The following VWA5B1 variants were observed in gnomAD, a reference collection of about 807,000 sequenced individuals.
The protein encoded by VWA5B1 is von Willebrand factor A domain containing 5B1.
Under a neutral mutation model 118.2 loss-of-function variants are expected in VWA5B1, and 115 were observed. The ratio of observed to expected loss-of-function variants is 0.97; its 90% CI spans 0.84 to 1.14. The LOEUF is 1.14. Ranked by LOEUF, VWA5B1 falls within the 50% of genes most tolerant of loss-of-function variation. VWA5B1 has a pLI of 0.00. For synonymous variants in VWA5B1, 682 were observed against 658.4 expected (o/e 1.04, Z -0.55); for missense variants, 1,596 against 1,603.8 (o/e 1.00, Z 0.08).
intron 13 of VWA5B1, 147 bp from the exon 14 acceptor site, chr1:20,337,499 C>A: frequency 1.1e-6 from 1 of 874,982 alleles, no homozygotes; most frequent in Non-Finnish European, 1.7e-6. Flanking sequence ...TCCGGAGAGG[C>A]TTTGGATGCC....
intron 1 of VWA5B1, among the ~76,000 whole-genome samples, chr1:20,292,398 G>A (rs1487911670): frequency 6.6e-6 from 1 of 152,166 alleles, no homozygotes; most frequent in Non-Finnish European, 1.5e-5. Flanking sequence ...GTTGGCCGGT[G>A]GGGCTGAGCA....
At chr1:20,322,866 A>T (rs1321945962) in intron 7 of VWA5B1, among the ~76,000 whole-genome samples, 1 of 152,172 alleles carries the variant, frequency 6.6e-6, no homozygotes, top group Non-Finnish European at 1.5e-5. Flanking sequence ...GTAGAATTTG[A>T]AGAGTGAGTA....
At chr1:20,294,838 C>G (rs1274916848) in intron 1 of VWA5B1, among the ~76,000 whole-genome samples, 1 of 152,220 alleles carries the variant, frequency 6.6e-6, no homozygotes, top group East Asian at 1.9e-4. Flanking sequence ...ATCTGCCCGC[C>G]TCAGCCTCCC....
At chr1:20,353,710 TG>T in intron 21 of VWA5B1, 46 bp from the exon 22 acceptor site, 1 of 1,443,106 alleles carries the variant, frequency 6.9e-7, no homozygotes. Context: ...TATGGCTCCC[TG>T]GGCTAAAACA....
chr1:20,295,411 A>G (rs1471603361), intron 1 of VWA5B1, among the ~76,000 whole-genome samples: 1 of 152,190 alleles, frequency 6.6e-6, no homozygotes, highest in East Asian at 1.9e-4. Flanking sequence ...TCAGATCAAG[A>G]TCTCAGGAAG....
At chr1:20,341,868 A>C (rs2089883124) in intron 14 of VWA5B1, among the ~76,000 whole-genome samples, 1 of 152,228 alleles carries the variant, frequency 6.6e-6, no homozygotes, top group African/African-American at 2.4e-5. Context: ...CCTGGATTCA[A>C]ATGGAAAAAC....
In VWA5B1 at chr1:20,319,588, G is replaced by A. The variant is rs968100937; in HGVS notation, c.966+82G>A. 4.6e-6 allele frequency: 7 copies of A among 1,522,988 alleles called. No individual in the cohort carries two copies. In the African/African-American group the frequency reaches 9.6e-5, roughly 21 times the overall value. 94.3% of individuals were successfully genotyped at this position (1,522,988 alleles called of 1,614,324 possible). ...CTGGTCTCCACTGAACAAGTGAGGT[G>A]GGGAGGTAACCTGCCCGAGGTCATC... On this transcript the variant is annotated intron_variant, in intron 7 of 21. Transcript: ENST00000289815.
At chr1:20,330,747 T>C in intron 10 of VWA5B1, 122 bp from the exon 11 acceptor site, 1 of 996,508 alleles carries the variant, frequency 1.0e-6, no homozygotes. Context: ...TCCCTCTCCC[T>C]CTACCTGAAT....
chr1:20,348,370 GCCCTAAGTAAGAGCCA>G lies in VWA5B1; in HGVS notation c.2878+17_2878+32del. ...GGCACCAGGAAATGGTAAATTTCAGGCCCTAAGTAAGAGCCACCCTGGGCACTTTCGGAAGCCTGGG... is the reference window on the plus strand; with the variant it reads ...GGCACCAGGAAATGGTAAATTTCAGGCCCTGGGCACTTTCGGAAGCCTGGG... On this transcript the variant is annotated intron_variant, in intron 18 of 21. Transcript: ENST00000289815. 1 of 1,551,528 alleles carries G rather than the reference GCCCTAAGTAAGAGCCA, an allele frequency of 6.4e-7. No individual in the cohort carries two copies. The highest frequency in any genetic ancestry group is 8.7e-7 in the Non-Finnish European group (1 of 1,147,016).
In VWA5B1 at chr1:20,317,115, C is replaced by G. The variant is rs1353193466; in HGVS notation, c.564-415C>G. ...AGCTTGCAGTGAGCCAAGATAGCACCACTGCACTCCAGCCTGGGTGACTGA... is the reference window on the plus strand; with the variant it reads ...AGCTTGCAGTGAGCCAAGATAGCACGACTGCACTCCAGCCTGGGTGACTGA... On this transcript the variant is annotated intron_variant, in intron 4 of 21. Transcript: ENST00000289815. Among the ~76,000 whole-genome samples, 8 of 144,700 alleles carry G rather than the reference C, an allele frequency of 5.5e-5. No homozygotes were observed. In the Admixed American group the frequency reaches 5.7e-4, roughly 10 times the overall value. 94.9% of individuals were successfully genotyped at this position (144,700 alleles called of 152,430 possible). A position where few individuals can be genotyped will look rare whatever the true frequency, so the allele number is the denominator to read the frequency against.
intron 1 of VWA5B1, among the ~76,000 whole-genome samples, chr1:20,305,077 C>G (rs770896251): frequency 6.6e-6 from 1 of 152,090 alleles, no homozygotes; most frequent in East Asian, 1.9e-4. Context: ...AGGGATTACA[C>G]CTTGGAGCGT....
intron 1 of VWA5B1, among the ~76,000 whole-genome samples, chr1:20,291,359 T>TTCTTTCTCTTTCTCTCTC (rs1381113890): frequency 9.7e-6 from 1 of 103,342 alleles, no homozygotes; most frequent in African/African-American, 3.6e-5. Flanking sequence ...CTTTCTTTCT[T>TTCTTTCTCTTTCTCTCTC]TCTCTCTCTC....
intron 5 of VWA5B1, chr1:20,318,360 T>A (rs1048456068): frequency 1.5e-5 from 9 of 612,276 alleles, no homozygotes; most frequent in African/African-American, 1.1e-4. Context: ...CGACCCCCAC[T>A]AGATCCTGAG....
chr1:20,318,303 G>T, intron 5 of VWA5B1: 1 of 451,298 alleles, frequency 2.2e-6, no homozygotes, highest in East Asian at 4.5e-5. Context: ...CCATCTGCTT[G>T]GCAGGATGCT....
chr1:20,335,460 C>A (rs1478087104), intron 12 of VWA5B1, among the ~76,000 whole-genome samples: 1 of 152,166 alleles, frequency 6.6e-6, no homozygotes, highest in African/African-American at 2.4e-5. Context: ...GTTATTTATA[C>A]ATAGAGGTGA....
chr1:20,328,094 G>A (rs978022558), intron 9 of VWA5B1, 94 bp downstream of exon 9: 5 of 1,239,276 alleles, frequency 4.0e-6, no homozygotes, highest in Non-Finnish European at 5.7e-6. Flanking sequence ...AAACCCTAGT[G>A]CTGGCCTCAG....
Position 20,308,791 on chromosome 1 carries a change from G to A in VWA5B1, c.-26-1785G>A, listed in dbSNP as rs1022278436. Among the ~76,000 whole-genome samples the A allele has an allele frequency of 5.3e-5, 8 of 152,148 alleles. No individual in the cohort carries two copies. In the South Asian group the frequency reaches 6.2e-4, roughly 12 times the overall value. The stretch of plus-strand genomic sequence containing the variant: ...TGGCCTGGCGGGGTGCCGGGGTGTC[G>A]GGGAGCACCTGAGGATCTCAGCTGG... On this transcript the variant is annotated intron_variant, in intron 1 of 21. Transcript: ENST00000289815.
chr1:20,297,020 C>A (rs1434198075), intron 1 of VWA5B1, among the ~76,000 whole-genome samples: 2 of 152,228 alleles, frequency 1.3e-5, no homozygotes, highest in Non-Finnish European at 2.9e-5. Flanking sequence ...TTAATGAGCA[C>A]CTGCTGATTG....
At chr1:20,336,229 C>T (rs558589774) in intron 12 of VWA5B1, 74 bp from the exon 13 acceptor site, 4 of 1,255,336 alleles carry the variant, frequency 3.2e-6, no homozygotes, top group Non-Finnish European at 3.1e-6. Flanking sequence ...TCTGCTCACA[C>T]CCCTTGCTCC....
Sources: gnomAD v4.1 joint callset for allele counts (sites outside exome capture counted in the v4.1 genomes callset) on GRCh38, gnomAD v4.1.1 for gene constraint, MANE v1.5 for transcripts, NCBI Gene and HGNC (gene_info 2026-07-23, HGNC 2026-07-21) for gene names.